Variants in EDA observed in about 807,000 individuals in gnomAD.
EDA encodes the protein ectodysplasin A, also known as ectodysplasin-A.
In EDA, 2 loss-of-function variants were observed where a neutral mutation model predicts 23.6. The ratio of observed to expected loss-of-function variants is 0.08; its 90% CI spans 0.03 to 0.27. The LOEUF (loss-of-function observed/expected upper bound fraction) is 0.27. EDA is among the 10% of genes least tolerant of loss of function. The pLI is 1.00. For synonymous variants in EDA, 131 were observed against 132.0 expected (o/e 0.99, Z 0.05); for missense variants, 229 against 324.2 (o/e 0.71, Z 2.26).
At chrX:70,001,818 C>T (rs899765601) in intron 2 of EDA, among the ~76,000 whole-genome samples, 2 of 112,245 alleles carry the variant, frequency 1.8e-5, no homozygotes, top group African/African-American at 6.5e-5. Flanking sequence ...ATGGAATACT[C>T]TGGAATATTC....
chrX:69,732,575 T>C (rs1180899197), intron 1 of EDA, among the ~76,000 whole-genome samples: 2 of 112,411 alleles, frequency 1.8e-5, no homozygotes, highest in Non-Finnish European at 3.8e-5. Flanking sequence ...TGCATGTGTC[T>C]TTATAGTAGC....
At chrX:69,658,763 A>G (rs971049736) in intron 1 of EDA, among the ~76,000 whole-genome samples, 3 of 111,591 alleles carry the variant, frequency 2.7e-5, no homozygotes, top group African/African-American at 6.5e-5. Flanking sequence ...TTTAGAGCAA[A>G]TAACTCTTGG....
intron 2 of EDA, among the ~76,000 whole-genome samples, chrX:69,992,895 A>G (rs147466604): frequency 0.011 from 1,275 of 112,323 alleles, 12 homozygotes; most frequent in African/African-American, 0.036. Flanking sequence ...AAAGTCATAA[A>G]AATATTCTTC....
intron 1 of EDA, among the ~76,000 whole-genome samples, chrX:69,847,009 A>T (rs2017022952): frequency 8.9e-6 from 1 of 111,835 alleles, no homozygotes; most frequent in Admixed American, 9.5e-5. Flanking sequence ...GCTTATTCAG[A>T]TGCTGATGTA....
At chrX:69,786,109 A>G (rs772418861) in intron 1 of EDA, among the ~76,000 whole-genome samples, 1 of 109,152 alleles carries the variant, frequency 9.2e-6, no homozygotes, top group African/African-American at 3.3e-5. Context: ...CTCTGATGGT[A>G]GTTTGTATTT....
At chrX:69,884,071 A>G (rs2017791838) in intron 1 of EDA, among the ~76,000 whole-genome samples, 1 of 111,759 alleles carries the variant, frequency 8.9e-6, no homozygotes, top group African/African-American at 3.3e-5. Context: ...CTCAAAAAAA[A>G]AAGAATTTTT....
Position 69,981,718 on chromosome X carries a change from T to C in EDA, c.502+24586T>C, listed in dbSNP as rs751703210. ...CCCTCACTTTATGTGCTTTACATCA[T>C]TGAATTCTCATAACAATCCTGTGAA... is the stretch of plus-strand genomic sequence containing the variant. On this transcript the variant is annotated intron_variant, in intron 2 of 7. Coordinates refer to ENST00000374552, the MANE Select transcript of EDA (RefSeq NM_001399.5). Among the ~76,000 whole-genome samples, 4 of 112,404 alleles carry C rather than the reference T, an allele frequency of 3.6e-5. No homozygotes were observed. The East Asian group carries it at 8.4e-4, about 24-fold the overall frequency.
At chrX:69,754,053 C>T (rs1569319585) in intron 1 of EDA, among the ~76,000 whole-genome samples, 1 of 111,620 alleles carries the variant, frequency 9.0e-6, no homozygotes, top group Non-Finnish European at 1.9e-5. Context: ...TTAATTGGAG[C>T]ATTTATCCCA....
intron 1 of EDA, among the ~76,000 whole-genome samples, chrX:69,684,550 A>T (rs375334642): frequency 8.9e-6 from 1 of 111,954 alleles, no homozygotes; most frequent in Non-Finnish European, 1.9e-5. Flanking sequence ...TAAAGTAATA[A>T]ACCCTGAACT....
At chrX:69,784,917 C>T (rs1013441548) in intron 1 of EDA, among the ~76,000 whole-genome samples, 1 of 111,242 alleles carries the variant, frequency 9.0e-6, no homozygotes, top group African/African-American at 3.3e-5. Flanking sequence ...ATTCTTCCTA[C>T]CCATGAGCAT....
chrX:69,804,299 A>G (rs1360690584), intron 1 of EDA, among the ~76,000 whole-genome samples: 1 of 111,434 alleles, frequency 9.0e-6, no homozygotes, highest in Non-Finnish European at 1.9e-5. Flanking sequence ...TTGAGAAAGA[A>G]TGTGATTCAC....
At chrX:69,938,780 T>A (rs764000927) in intron 1 of EDA, among the ~76,000 whole-genome samples, 1 of 112,248 alleles carries the variant, frequency 8.9e-6, no homozygotes, top group Non-Finnish European at 1.9e-5. Context: ...TTGTTTACAG[T>A]GAGAGATAGG....
chrX:70,035,510 G>T lies in EDA; in HGVS notation c.1077G>T (p.Lys359Asn). ...AGVCLLKARQ[K>N]IAVKMVHADI... ...TCTGCCTCCTCAAGGCCCGGCAGAA[G>T]ATCGCCGTCAAGATGGTGCACGCTG... Residue 359 changes from lysine to asparagine, a missense_variant, in exon 8 of 8, where the codon AAG becomes AAT. Coordinates refer to ENST00000374552, the MANE Select transcript of EDA (RefSeq NM_001399.5). The T allele has an allele frequency of 8.3e-7, 1 of 1,209,983 alleles. No homozygotes were observed. Among genetic ancestry groups the T allele is most frequent in the Non-Finnish European group, 1.1e-6 (1 of 895,189 alleles).
At chrX:69,761,684 A>G (rs1254052541) in intron 1 of EDA, among the ~76,000 whole-genome samples, 1 of 112,009 alleles carries the variant, frequency 8.9e-6, no homozygotes, top group Non-Finnish European at 1.9e-5. Context: ...TACTGGGGAC[A>G]TTTGATAGGA....
At position 69,671,005 on chromosome X, in the gene EDA, C is replaced by T. The variant is rs146524981; in HGVS notation, c.396+54301C>T. On this transcript the variant is annotated intron_variant, in intron 1 of 7. Transcript: ENST00000374552. ...CTTTTTCATGTTTTTTGTGTGTGTC[C>T]CTGCGTTGATGGCTGTGCATCAGTT... Among the ~76,000 whole-genome samples, 519 of 110,712 alleles carry T rather than the reference C, an allele frequency of 4.7e-3. 2 individuals are homozygous for T. Among genetic ancestry groups the T allele is most frequent in the Middle Eastern group, 9.3e-3 (2 of 215 alleles).
rs1045145425 is a variant in EDA, at chrX:69,853,809, G to A, written c.397-103218G>A. On this transcript the variant is annotated intron_variant, in intron 1 of 7. Transcript: ENST00000374552. The stretch of plus-strand genomic sequence containing the variant: ...CAATAATAATTATTTTAGGCTTTGC[G>A]GGCCATGTACAGTCTTTGTTGCATA... Among the ~76,000 whole-genome samples the A allele has an allele frequency of 1.1e-4, 12 of 111,451 alleles. No individual in the cohort carries two copies. In the East Asian group the frequency reaches 3.1e-3, roughly 29 times the overall value.
intron 1 of EDA, among the ~76,000 whole-genome samples, chrX:69,880,138 A>T: frequency 8.9e-6 from 1 of 111,769 alleles, no homozygotes; most frequent in Admixed American, 9.5e-5. Flanking sequence ...GGTTCAGAGG[A>T]GTTTCTAAAT....
chrX:69,799,203 T>A lies in EDA; in HGVS notation c.397-157824T>A, dbSNP rs190031712. 6.8e-4 allele frequency among the ~76,000 whole-genome samples: 76 copies of A among 111,581 alleles called. 1 individual carries two copies. The Admixed American group carries it at 7.0e-3, about 10-fold the overall frequency. On this transcript the variant is annotated intron_variant, in intron 1 of 7. Coordinates refer to ENST00000374552, the MANE Select transcript of EDA (RefSeq NM_001399.5). ...ACAAAAATCAAAATGGATTAAAGAC[T>A]TAAATCTAAGACCTCAAACTATGAA...
At chrX:69,907,704 C>T (rs1286647509) in intron 1 of EDA, among the ~76,000 whole-genome samples, 1 of 111,745 alleles carries the variant, frequency 8.9e-6, no homozygotes, top group African/African-American at 3.2e-5. Context: ...TTAAAAGTGA[C>T]AGCTGGCAGA....
Sources: allele counts gnomAD v4.1 joint callset (sites outside exome capture counted in the v4.1 genomes callset), GRCh38; gene constraint gnomAD v4.1.1; transcripts MANE v1.5; gene names NCBI Gene and HGNC (gene_info 2026-07-23, HGNC 2026-07-21).